CHRM3: variants seen among roughly 807,000 people sequenced by gnomAD.
CHRM3 encodes cholinergic receptor muscarinic 3, also known as muscarinic acetylcholine receptor M3.
A neutral mutation model predicts 41.8 loss-of-function variants in CHRM3; 11 were observed. That is an observed-to-expected ratio of 0.26 (90% confidence interval 0.17 to 0.44). The LOEUF is 0.44. CHRM3 is among the 20% of genes least tolerant of loss of function. The pLI is 1.00. For synonymous variants in CHRM3, 297 were observed against 301.4 expected (o/e 0.99, Z 0.15); for missense variants, 571 against 745.4 (o/e 0.77, Z 2.72).
rs1658863021 is a variant in CHRM3 at position 239,389,810 on chromosome 1, T to TA, written c.-521+2583_-521+2584insA. 2.0e-5 allele frequency among the ~76,000 whole-genome samples: 3 copies of TA among 152,382 alleles called. No homozygotes were observed. In the East Asian group the frequency reaches 5.8e-4, roughly 29 times the overall value. ...CTTTGTTAACATTGGCAAGCTCAGT[T>TA]GCTTACTGCTAAATGGCCTGGACGA... On this transcript the variant is annotated intron_variant, in intron 1 of 6. Coordinates refer to ENST00000676153, the MANE Select transcript of CHRM3 (RefSeq NM_001375978.1).
chr1:239,649,997 A>C (rs1237576983), intron 4 of CHRM3, among the ~76,000 whole-genome samples: 1 of 152,232 alleles, frequency 6.6e-6, no homozygotes, highest in Non-Finnish European at 1.5e-5. Context: ...CCATGTGCAC[A>C]GTTACTGAGC....
intron 5 of CHRM3, among the ~76,000 whole-genome samples, chr1:239,701,510 G>A (rs1419447334): frequency 6.6e-6 from 1 of 152,138 alleles, no homozygotes; most frequent in Non-Finnish European, 1.5e-5. Flanking sequence ...CCTCCTTGTT[G>A]TCATGATTGA....
At chr1:239,574,639 C>A (rs1024221155) in intron 3 of CHRM3, among the ~76,000 whole-genome samples, 1 of 152,138 alleles carries the variant, frequency 6.6e-6, no homozygotes, top group Non-Finnish European at 1.5e-5. Flanking sequence ...TTGAGGCATT[C>A]TTTATAAGTT....
At chr1:239,634,483 A>C (rs1013488969) in intron 4 of CHRM3, among the ~76,000 whole-genome samples, 4 of 152,098 alleles carry the variant, frequency 2.6e-5, no homozygotes. Flanking sequence ...TGGGAAAATC[A>C]GTTTATATTG....
chr1:239,801,232 G>C (rs1281436187), intron 5 of CHRM3, among the ~76,000 whole-genome samples: 1 of 152,148 alleles, frequency 6.6e-6, no homozygotes, highest in East Asian at 1.9e-4. Context: ...GGAAATTGAG[G>C]CTTAGAGCAG....
At chr1:239,724,061 CT>C (rs553116102) in intron 5 of CHRM3, among the ~76,000 whole-genome samples, 42 of 148,804 alleles carry the variant, frequency 2.8e-4, no homozygotes, top group East Asian at 1.4e-3. Context: ...ACAAACCTGC[CT>C]TTTTTTTTTC....
In CHRM3 at chr1:239,558,428, A is replaced by C. The variant is rs536889681; in HGVS notation, c.-313+12679A>C. Reference sequence around the variant, plus strand: ...GTCCAGACACATTCTGAATGGGAATAAAAAAACTTTCCAATGTCTGATTTC... The same window carrying C: ...GTCCAGACACATTCTGAATGGGAATCAAAAAACTTTCCAATGTCTGATTTC... On this transcript the variant is annotated intron_variant, in intron 3 of 6. Transcript: ENST00000676153. Among the ~76,000 whole-genome samples, 114 of 151,702 alleles carry C rather than the reference A, an allele frequency of 7.5e-4. 2 individuals are homozygous for C. The highest frequency in any genetic ancestry group is 6.8e-3 in the Middle Eastern group (2 of 294).
At position 239,907,327 on chromosome 1, in the gene CHRM3, A is replaced by G; in HGVS notation, c.-19-106A>G. ...TTGATGTTTGGCTTCATAGAGATTC[A>G]GCACCCTGTAATAGGCCTTCCATGT... is the stretch of plus-strand genomic sequence containing the variant. On this transcript the variant is annotated intron_variant, in intron 6 of 6. Transcript: ENST00000676153. The surrounding 1 kb of genome is among the most constrained non-coding windows in gnomAD (Gnocchi z 5.4). 3.9e-6 allele frequency: 3 copies of G among 773,624 alleles called. No individual in the cohort carries two copies. Among genetic ancestry groups the G allele is most frequent in the Non-Finnish European group, 6.2e-6 (3 of 483,388 alleles). 47.9% of individuals were successfully genotyped at this position (773,624 alleles called of 1,614,324 possible).
intron 3 of CHRM3, among the ~76,000 whole-genome samples, chr1:239,580,468 G>C (rs889303542): frequency 6.6e-6 from 1 of 151,686 alleles, no homozygotes; most frequent in African/African-American, 2.4e-5. Context: ...TTTTGGCAAA[G>C]AGTTTAGCAA....
chr1:239,464,865 TTA>T (rs770496012), intron 1 of CHRM3, among the ~76,000 whole-genome samples: 16 of 152,098 alleles, frequency 1.1e-4, no homozygotes, highest in Non-Finnish European at 1.5e-4. Flanking sequence ...TGTCTCTTAT[TTA>T]TGTTTTCGTT....
intron 5 of CHRM3, among the ~76,000 whole-genome samples, chr1:239,775,348 TTGTC>T (rs1668008902): frequency 6.6e-6 from 1 of 152,214 alleles, no homozygotes; most frequent in African/African-American, 2.4e-5. Flanking sequence ...AGGTACAAGA[TTGTC>T]TGTGAAAAAT....
intron 5 of CHRM3, among the ~76,000 whole-genome samples, chr1:239,792,237 T>C: frequency 6.6e-6 from 1 of 152,162 alleles, no homozygotes; most frequent in East Asian, 1.9e-4. Flanking sequence ...TTGTTGATGG[T>C]TGTTGAGTAC....
At chr1:239,854,894 G>A (rs925657741) in intron 6 of CHRM3, among the ~76,000 whole-genome samples, 2 of 152,020 alleles carry the variant, frequency 1.3e-5, no homozygotes, top group African/African-American at 4.8e-5. Flanking sequence ...TAATTGCTTC[G>A]TTTTAAAAAT....
intron 2 of CHRM3, among the ~76,000 whole-genome samples, chr1:239,532,486 A>G (rs1364916276): frequency 6.6e-6 from 1 of 150,730 alleles, no homozygotes; most frequent in Non-Finnish European, 1.5e-5. Flanking sequence ...TTAGCCGGAC[A>G]TGGTGGTGTG....
chr1:239,558,497 C>T (rs555618139), intron 3 of CHRM3, among the ~76,000 whole-genome samples: 2 of 152,288 alleles, frequency 1.3e-5, no homozygotes, highest in Non-Finnish European at 2.9e-5. Flanking sequence ...CTTGTATTCA[C>T]CTAACATACA....
chr1:239,544,199 T>C (rs781672298), intron 2 of CHRM3, among the ~76,000 whole-genome samples: 5 of 152,122 alleles, frequency 3.3e-5, no homozygotes, highest in Non-Finnish European at 7.4e-5. Flanking sequence ...TTGTAGCATC[T>C]CCAATCCAGA....
intron 1 of CHRM3, among the ~76,000 whole-genome samples, chr1:239,414,195 T>C (rs1427798219): frequency 6.6e-6 from 1 of 152,212 alleles, no homozygotes; most frequent in Non-Finnish European, 1.5e-5. Context: ...TGCTTTTTTG[T>C]TTCATCTGCT....
At chr1:239,832,121 G>C (rs144403327) in intron 6 of CHRM3, among the ~76,000 whole-genome samples, 105 of 152,302 alleles carry the variant, frequency 6.9e-4, no homozygotes, top group Non-Finnish European at 1.2e-3. Flanking sequence ...AAAATCACTT[G>C]AGAGGAAGCA....
intron 3 of CHRM3, among the ~76,000 whole-genome samples, chr1:239,631,847 A>G (rs1176571252): frequency 6.6e-6 from 1 of 152,228 alleles, no homozygotes; most frequent in African/African-American, 2.4e-5. Flanking sequence ...CCAATTTGCT[A>G]AGAGAAGAAA....
Sources: gnomAD v4.1 joint callset for allele counts (sites outside exome capture counted in the v4.1 genomes callset) on GRCh38, gnomAD v4.1.1 for gene constraint, Gnocchi (gnomAD v3.1) non-coding constraint, MANE v1.5 for transcripts, NCBI Gene and HGNC (gene_info 2026-07-23, HGNC 2026-07-21) for gene names.